Variants in CDH13 observed in about 807,000 individuals in gnomAD.
The protein encoded by CDH13 is cadherin 13, also known as cadherin-13.
CDH13 carries 24 observed loss-of-function variants against 63.8 expected under a neutral mutation model. The observed-to-expected ratio is 0.38, with a 90% CI of 0.27 to 0.53. CDH13 has a LOEUF of 0.53. CDH13 is among the 20% of genes least tolerant of loss of function. The pLI is 0.85. For synonymous variants in CDH13, 503 were observed against 355.3 expected (o/e 1.42, Z -4.67); for missense variants, 1,049 against 903.1 (o/e 1.16, Z -2.07).
intron 4 of CDH13, among the ~76,000 whole-genome samples, chr16:83,130,939 C>T (rs2151654809): frequency 6.6e-6 from 1 of 152,204 alleles, no homozygotes; most frequent in South Asian, 2.1e-4. Context: ...AACTGGATAT[C>T]CTGCTGTGTA....
At chr16:82,696,150 C>G (rs1231842973) in intron 1 of CDH13, among the ~76,000 whole-genome samples, 1 of 152,142 alleles carries the variant, frequency 6.6e-6, no homozygotes, top group Non-Finnish European at 1.5e-5. Context: ...CTGATGAAAT[C>G]TTTAGTTTGC....
At chr16:83,391,950 TTATCAGGG>T (rs1183659381) in intron 6 of CDH13, among the ~76,000 whole-genome samples, 1 of 152,122 alleles carries the variant, frequency 6.6e-6, no homozygotes, top group Non-Finnish European at 1.5e-5. Context: ...CAAAGACTGT[TTATCAGGG>T]TCATTCGAAA....
intron 1 of CDH13, among the ~76,000 whole-genome samples, chr16:82,721,848 G>A (rs566721584): frequency 6.6e-6 from 1 of 152,262 alleles, no homozygotes; most frequent in African/African-American, 2.4e-5. Context: ...AGAGTCATCA[G>A]GAGGCTGTAG....
intron 1 of CDH13, among the ~76,000 whole-genome samples, chr16:82,651,850 T>C (rs1407502097): frequency 1.3e-5 from 2 of 152,212 alleles, no homozygotes; most frequent in African/African-American, 2.4e-5. Flanking sequence ...GTCTTGGACC[T>C]TGGGATTTAG....
chr16:83,275,780 C>T (rs1407513234), intron 5 of CDH13, among the ~76,000 whole-genome samples: 1 of 152,132 alleles, frequency 6.6e-6, no homozygotes, highest in East Asian at 1.9e-4. Flanking sequence ...ACCTTCCATT[C>T]AGAGCAAATA....
At chr16:83,378,171 T>A (rs1366133126) in intron 6 of CDH13, among the ~76,000 whole-genome samples, 1 of 152,182 alleles carries the variant, frequency 6.6e-6, no homozygotes, top group Non-Finnish European at 1.5e-5. Context: ...CTATGGTAGA[T>A]GCTGTGCAAG....
intron 1 of CDH13, among the ~76,000 whole-genome samples, chr16:82,672,328 A>C (rs1913350591): frequency 6.6e-6 from 1 of 152,194 alleles, no homozygotes; most frequent in Non-Finnish European, 1.5e-5. Flanking sequence ...AGCTAGAATT[A>C]CTGAGCATCC....
intron 2 of CDH13, among the ~76,000 whole-genome samples, chr16:82,887,775 T>A (rs1248659530): frequency 1.3e-5 from 2 of 151,876 alleles, no homozygotes; most frequent in Non-Finnish European, 2.9e-5. Context: ...TGATCTGAGC[T>A]CGCACCACTG....
At chr16:82,969,112 A>T (rs1908311830) in intron 2 of CDH13, among the ~76,000 whole-genome samples, 1 of 152,232 alleles carries the variant, frequency 6.6e-6, no homozygotes, top group African/African-American at 2.4e-5. Flanking sequence ...CTCTCAAACG[A>T]AAAAGAAATA....
At chr16:82,697,423 C>CTTTTTTTTTTTT (rs34376129) in intron 1 of CDH13, among the ~76,000 whole-genome samples, 72 of 54,872 alleles carry the variant, frequency 1.3e-3, no homozygotes, top group Non-Finnish European at 1.7e-3. Flanking sequence ...TTTCTTTTTT[C>CTTTTTTTTTTTT]TTTTTTTTTT....
chr16:83,773,018 T>G (rs1396987298), intron 11 of CDH13: 2 of 152,226 alleles, frequency 1.3e-5, no homozygotes, highest in Non-Finnish European at 2.9e-5. Context: ...GGAAGATGTT[T>G]GTGGGGAGGT....
intron 6 of CDH13, among the ~76,000 whole-genome samples, chr16:83,451,978 T>G (rs2151511856): frequency 6.6e-6 from 1 of 152,336 alleles, no homozygotes; most frequent in East Asian, 1.9e-4. Flanking sequence ...TAATCTTTGC[T>G]TTTCCTGTGG....
rs192138765 is a variant in CDH13 at position 83,309,308 on chromosome 16, G to A, written c.637-35554G>A. On this transcript the variant is annotated intron_variant, in intron 5 of 13. Transcript: ENST00000567109. ...ATCTATATCGAAGTCAGATTTATAT[G>A]GTGAGAGCACTGTCTTCAGCAGATG... 1.1e-3 allele frequency among the ~76,000 whole-genome samples: 166 copies of A among 152,238 alleles called. 1 individual carries two copies. The highest frequency in any genetic ancestry group is 3.8e-3 in the African/African-American group (157 of 41,524).
intron 3 of CDH13, among the ~76,000 whole-genome samples, chr16:83,117,057 G>A (rs192390454): frequency 6.6e-6 from 1 of 152,328 alleles, no homozygotes; most frequent in East Asian, 1.9e-4. Context: ...ACAGACCTGG[G>A]AGAAGGAGGA....
intron 11 of CDH13, among the ~76,000 whole-genome samples, chr16:83,768,981 A>G (rs935215560): frequency 9.2e-5 from 14 of 152,272 alleles, no homozygotes; most frequent in African/African-American, 2.9e-4. Context: ...CCCAGCTCCT[A>G]TTCAAGATGG....
chr16:83,611,193 T>C (rs1281279413), intron 8 of CDH13, among the ~76,000 whole-genome samples: 1 of 152,160 alleles, frequency 6.6e-6, no homozygotes. Flanking sequence ...TGTGAGTCCT[T>C]TGAGTTATAT....
chr16:83,014,069 A>G (rs1191343026), intron 2 of CDH13, among the ~76,000 whole-genome samples: 1 of 151,770 alleles, frequency 6.6e-6, no homozygotes, highest in Non-Finnish European at 1.5e-5. Flanking sequence ...CAGTCTGATA[A>G]GGAAAAAAGC....
At chr16:83,489,634 G>A (rs1431482715) in intron 7 of CDH13, among the ~76,000 whole-genome samples, 2 of 152,168 alleles carry the variant, frequency 1.3e-5, no homozygotes, top group African/African-American at 4.8e-5. Context: ...AGTTTGCAAT[G>A]TTTTCCTCCC....
intron 5 of CDH13, among the ~76,000 whole-genome samples, chr16:83,339,352 G>C (rs1325531653): frequency 1.3e-5 from 2 of 152,090 alleles, no homozygotes; most frequent in Non-Finnish European, 2.9e-5. Flanking sequence ...TGCCTCCAAT[G>C]ATGTCAATAA....
Sources: gnomAD v4.1 joint callset for allele counts (sites outside exome capture counted in the v4.1 genomes callset) on GRCh38, gnomAD v4.1.1 for gene constraint, MANE v1.5 for transcripts, NCBI Gene and HGNC (gene_info 2026-07-23, HGNC 2026-07-21) for gene names.